The following TUSC3 variants were observed in gnomAD, a reference collection of about 807,000 sequenced individuals.
TUSC3 encodes tumor suppressor candidate 3, also known as dolichyl-diphosphooligosaccharide--protein glycosyltransferase subunit TUSC3.
TUSC3 carries 45 observed loss-of-function variants against 44.8 expected under a neutral mutation model. That is an observed-to-expected ratio of 1.00 (90% confidence interval 0.79 to 1.29). The LOEUF is 1.29. Among genes scored for constraint, TUSC3 ranks in the 50% most tolerant of loss-of-function variants. The probability of loss-of-function intolerance (pLI) is 0.00; values close to 1 mark genes in which losing one functional copy is unlikely to be tolerated. For missense variants in TUSC3, 519 were observed against 437.9 expected, an observed-to-expected ratio of 1.19 and a Z score of -1.65; for synonymous variants, 212 against 152.9, an observed-to-expected ratio of 1.39 and a Z score of -2.85.
Position 15,733,245 on chromosome 8 carries a change from T to C in TUSC3, c.862+2516T>C, listed in dbSNP as rs1483504667. The C allele has an allele frequency of 1.7e-5, 5 of 287,240 alleles. No homozygotes were observed. In the East Asian group the frequency reaches 3.1e-4, roughly 18 times the overall value. 17.8% of individuals were successfully genotyped at this position (287,240 alleles called of 1,614,324 possible). Reference sequence around the variant, plus strand: ...ACTCTCGACTTACTATTTAAAGATATTCAGGAAGCAAAACATGTTAACATT... The same window carrying C: ...ACTCTCGACTTACTATTTAAAGATACTCAGGAAGCAAAACATGTTAACATT... On this transcript the variant is annotated intron_variant, in intron 7 of 10. Coordinates refer to ENST00000503731, the MANE Select transcript of TUSC3 (RefSeq NM_006765.4).
intron 2 of TUSC3, among the ~76,000 whole-genome samples, chr8:15,647,063 A>C (rs1806665903): frequency 6.6e-6 from 1 of 152,084 alleles, no homozygotes; most frequent in Non-Finnish European, 1.5e-5. Context: ...TTTACATACC[A>C]AATTCTGTTG....
At chr8:15,613,588 G>A (rs748527076) in intron 1 of TUSC3, among the ~76,000 whole-genome samples, 7 of 152,068 alleles carry the variant, frequency 4.6e-5, no homozygotes, top group Non-Finnish European at 7.4e-5. Flanking sequence ...TTCGTCTTCT[G>A]CCATGATTGT....
chr8:15,601,843 T>A (rs905172090), intron 1 of TUSC3, among the ~76,000 whole-genome samples: 35 of 151,700 alleles, frequency 2.3e-4, no homozygotes, highest in African/African-American at 7.3e-5. Flanking sequence ...TCTACCAGTT[T>A]TTTATGGATA....
At position 15,596,516 on chromosome 8, in the gene TUSC3, G is replaced by A. The variant is rs75715696; in HGVS notation, c.139-26564G>A. 4.3e-3 allele frequency among the ~76,000 whole-genome samples: 660 copies of A among 152,224 alleles called. 2 individuals are homozygous for A. The highest frequency in any genetic ancestry group is 0.012 in the African/African-American group (512 of 41,546). ...GGCTTGAGTATATGCGGATTTTGGC[G>A]TGTGGGGTGTCCTAGAACCAATACC... On this transcript the variant is annotated intron_variant, in intron 1 of 10. Transcript: ENST00000503731.
chr8:15,475,178 T>G lies in TUSC3; in HGVS notation n.92-8208T>G, dbSNP rs1057109381. On this transcript the variant is annotated intron_variant and non_coding_transcript_variant, in intron 1 of 5. Coordinates refer to the TUSC3 transcript ENST00000503191. ...ACCTAAAGTCTTAAACTATCCTATTTAGTCGTCAACATTCCAAAGAGGTAT... is the reference window on the plus strand; with the variant it reads ...ACCTAAAGTCTTAAACTATCCTATTGAGTCGTCAACATTCCAAAGAGGTAT... 2.4e-4 allele frequency among the ~76,000 whole-genome samples: 37 copies of G among 152,136 alleles called. 1 individual carries two copies. Among genetic ancestry groups the G allele is most frequent in the African/African-American group, 8.9e-4 (37 of 41,444 alleles).
intron 1 of TUSC3, among the ~76,000 whole-genome samples, chr8:15,471,663 G>C (rs1350713776): frequency 6.6e-6 from 1 of 150,860 alleles, no homozygotes. Context: ...TTTCACCCAG[G>C]CTGGAGAACA....
chr8:15,682,647 A>C (rs532885527), intron 6 of TUSC3, among the ~76,000 whole-genome samples: 2 of 152,118 alleles, frequency 1.3e-5, no homozygotes, highest in African/African-American at 4.8e-5. Flanking sequence ...TTTACATTCA[A>C]CGTTAATATT....
At chr8:15,517,912 A>G (rs1428983549) in intron 2 of TUSC3, among the ~76,000 whole-genome samples, 3 of 151,846 alleles carry the variant, frequency 2.0e-5, no homozygotes, top group Non-Finnish European at 4.4e-5. Flanking sequence ...GGTTTTTACT[A>G]TGTTTGTAAA....
intron 1 of TUSC3, among the ~76,000 whole-genome samples, chr8:15,468,604 A>T (rs1369233828): frequency 6.6e-6 from 1 of 152,138 alleles, no homozygotes; most frequent in African/African-American, 2.4e-5. Flanking sequence ...CCCCTCTAAT[A>T]AACATTTGGG....
At chr8:15,835,109 C>T in the TUSC3 span, among the ~76,000 whole-genome samples, 3 of 152,180 alleles carry the variant, frequency 2.0e-5, no homozygotes, top group Non-Finnish European at 2.9e-5. Context: ...TGCTACTCTT[C>T]AGTAACTTTT....
At chr8:15,433,248 A>T (rs1799899400) in intron 1 of TUSC3, among the ~76,000 whole-genome samples, 1 of 152,142 alleles carries the variant, frequency 6.6e-6, no homozygotes, top group Non-Finnish European at 1.5e-5. Flanking sequence ...CCATATATTT[A>T]AAAAAACAAC....
chr8:15,556,912 T>A (rs865997871), intron 1 of TUSC3, among the ~76,000 whole-genome samples: 3,495 of 149,026 alleles, frequency 0.023, 147 homozygotes, highest in African/African-American at 0.081. Flanking sequence ...TAGCCCTTTG[T>A]CAGATGAGTA....
chr8:15,676,621 A>T lies in TUSC3; in HGVS notation c.798+2785A>T, dbSNP rs80254141. ...CCAGCGGACATTTGGTAGTGTCTGG[A>T]TACATTTTAGATTGTCTCAACTTTC... is the stretch of plus-strand genomic sequence containing the variant. On this transcript the variant is annotated intron_variant, in intron 6 of 10. Coordinates refer to ENST00000503731, the MANE Select transcript of TUSC3 (RefSeq NM_006765.4). Among the ~76,000 whole-genome samples the T allele has an allele frequency of 3.4e-3, 520 of 152,244 alleles. 4 individuals are homozygous for T. The highest frequency in any genetic ancestry group is 6.4e-3 in the African/African-American group (267 of 41,556).
intron 1 of TUSC3, among the ~76,000 whole-genome samples, chr8:15,594,140 G>A (rs1448794898): frequency 2.0e-5 from 3 of 152,234 alleles, no homozygotes; most frequent in Admixed American, 1.3e-4. Context: ...ATAGTTCGCT[G>A]CAATTTTAAA....
intron 6 of TUSC3, among the ~76,000 whole-genome samples, chr8:15,706,050 G>T (rs1315880374): frequency 1.3e-5 from 2 of 151,886 alleles, no homozygotes; most frequent in African/African-American, 4.8e-5. Context: ...CTGTGAGTCT[G>T]ACAAAAACAG....
the TUSC3 span, among the ~76,000 whole-genome samples, chr8:15,799,555 A>C: frequency 2.0e-5 from 3 of 152,114 alleles, no homozygotes; most frequent in Non-Finnish European, 2.9e-5. Flanking sequence ...CCCCCTTCCC[A>C]GTTTTTCCTC....
intron 6 of TUSC3, among the ~76,000 whole-genome samples, chr8:15,694,448 A>G (rs1809066049): frequency 6.6e-6 from 1 of 151,544 alleles, no homozygotes; most frequent in Non-Finnish European, 1.5e-5. Flanking sequence ...AAAAAAAAAA[A>G]AAAAAAAAAA....
At chr8:15,427,862 C>T (rs764547691) in intron 1 of TUSC3, among the ~76,000 whole-genome samples, 14 of 152,116 alleles carry the variant, frequency 9.2e-5, no homozygotes, top group Non-Finnish European at 1.8e-4. Context: ...CTGTTTTCTT[C>T]TGGTAGTTGT....
At chr8:15,809,404 A>T in the TUSC3 span, among the ~76,000 whole-genome samples, 1 of 152,106 alleles carries the variant, frequency 6.6e-6, no homozygotes, top group South Asian at 2.1e-4. Flanking sequence ...GGAATAGGTA[A>T]AGGTCCCTTA....
Sources: allele counts gnomAD v4.1 joint callset (sites outside exome capture counted in the v4.1 genomes callset), GRCh38; gene constraint gnomAD v4.1.1; transcripts MANE v1.5; gene names NCBI Gene and HGNC (gene_info 2026-07-23, HGNC 2026-07-21).